Variants in HSPBAP1 observed in about 807,000 individuals in gnomAD.
HSPBAP1 encodes HSPB1-associated protein 1.
A neutral mutation model predicts 45.2 loss-of-function variants in HSPBAP1; 27 were observed. The observed-to-expected ratio is 0.60, with a 90% CI of 0.44 to 0.82. The LOEUF is 0.82. HSPBAP1 is among the 40% of genes least tolerant of loss of function. HSPBAP1 has a pLI of 0.00. For synonymous variants in HSPBAP1, 204 were observed against 202.7 expected (o/e 1.01, Z -0.06); for missense variants, 510 against 590.9 (o/e 0.86, Z 1.42).
chr3:122,748,221 A>C (rs902190499), intron 6 of HSPBAP1, among the ~76,000 whole-genome samples: 1 of 152,164 alleles, frequency 6.6e-6, no homozygotes, highest in African/African-American at 2.4e-5. Context: ...CCTAATCTCA[A>C]GTACCCAGGG....
intron 1 of HSPBAP1, among the ~76,000 whole-genome samples, chr3:122,781,044 G>A (rs1195498638): frequency 3.3e-5 from 5 of 150,886 alleles, no homozygotes; most frequent in South Asian, 4.2e-4. Context: ...GATGGCGGCC[G>A]GGCAGAGAAG....
At chr3:122,778,323 T>TA (rs1560155911) in intron 1 of HSPBAP1, among the ~76,000 whole-genome samples, 4 of 151,352 alleles carry the variant, frequency 2.6e-5, no homozygotes, top group Non-Finnish European at 1.5e-5. Context: ...TATAAGTTAA[T>TA]ACACACACAT....
intron 4 of HSPBAP1, chr3:122,758,768 A>T (rs1313244818): frequency 6.6e-6 from 3 of 454,994 alleles, no homozygotes; most frequent in African/African-American, 6.0e-5. Context: ...ATACTGGCAC[A>T]CACCTGTAGT....
intron 6 of HSPBAP1, chr3:122,741,815 T>G (rs1055258916): frequency 6.6e-6 from 1 of 152,164 alleles, no homozygotes; most frequent in African/African-American, 2.4e-5. Flanking sequence ...GAAGATATGT[T>G]TAGCCTCCAG....
intron 1 of HSPBAP1, among the ~76,000 whole-genome samples, chr3:122,780,566 A>C (rs1935407907): frequency 1.7e-5 from 2 of 115,486 alleles, no homozygotes; most frequent in African/African-American, 4.1e-5. Flanking sequence ...CTGAACCCCC[A>C]ACTCACTCCC....
In HSPBAP1 at chr3:122,740,880, G is replaced by C. The variant is rs367947718; in HGVS notation, c.937-5C>G. The C allele has an allele frequency of 2.8e-5, 45 of 1,612,434 alleles. No individual in the cohort carries two copies. The highest frequency in any genetic ancestry group is 3.5e-5 in the Non-Finnish European group (41 of 1,179,232). On this transcript the variant is annotated splice_region_variant and splice_polypyrimidine_tract_variant and intron_variant, in intron 7 of 7. Transcript: ENST00000306103. ...TGCATGGGACGTTTCCTCAACCTAA[G>C]GGAAGAGAAAAACCTTTTAAAATGG...
Position 122,793,775 on chromosome 3 carries a change from C to T in HSPBAP1, c.-95G>A, listed in dbSNP as rs1935916596. On this transcript the variant is annotated 5_prime_UTR_variant, in exon 1 of 8. Coordinates refer to ENST00000306103, the MANE Select transcript of HSPBAP1 (RefSeq NM_024610.6). ...CAAACTCCGAGACCCGAAGCTGCAC[C>T]ACAGGAAGGAGCCCCGGCGACTCCC... The T allele has an allele frequency of 2.5e-6, 3 of 1,195,946 alleles. No homozygotes were observed. Among genetic ancestry groups the T allele is most frequent in the Admixed American group, 2.0e-5 (1 of 49,986 alleles). 74.1% of individuals were successfully genotyped at this position (1,195,946 alleles called of 1,614,324 possible).
chr3:122,781,473 C>T (rs887692076), intron 1 of HSPBAP1, among the ~76,000 whole-genome samples: 3 of 151,766 alleles, frequency 2.0e-5, no homozygotes, highest in Non-Finnish European at 4.4e-5. Context: ...GAGAATCAGG[C>T]AGGGAGGTTG....
intron 6 of HSPBAP1, among the ~76,000 whole-genome samples, chr3:122,749,509 A>C (rs1934048874): frequency 6.6e-6 from 1 of 152,200 alleles, no homozygotes; most frequent in African/African-American, 2.4e-5. Flanking sequence ...TGATAGATAC[A>C]GTCTAATAAT....
intron 6 of HSPBAP1, among the ~76,000 whole-genome samples, chr3:122,745,481 T>C (rs1933814890): frequency 6.6e-6 from 1 of 152,116 alleles, no homozygotes; most frequent in Non-Finnish European, 1.5e-5. Context: ...AGTCAGAAAA[T>C]ATTAAGTGAA....
chr3:122,759,209 A>ACACG lies in HSPBAP1; in HGVS notation c.569+14_569+15insCGTG. On this transcript the variant is annotated intron_variant, in intron 4 of 7. Transcript: ENST00000306103. ...TCCACACACACACACACACACACAC[A>ACACG]CACACACACATTACCTTCCTTGTAC... 1 of 1,607,530 alleles carries ACACG rather than the reference A, an allele frequency of 6.2e-7. No homozygotes were observed.
chr3:122,775,738 T>C (rs1935172468), intron 2 of HSPBAP1, among the ~76,000 whole-genome samples: 2 of 152,186 alleles, frequency 1.3e-5, no homozygotes, highest in African/African-American at 4.8e-5. Context: ...CTCAAAATGT[T>C]AAACACAGAA....
intron 3 of HSPBAP1, among the ~76,000 whole-genome samples, chr3:122,765,243 C>T (rs1045700987): frequency 7.9e-5 from 12 of 152,088 alleles, no homozygotes; most frequent in Non-Finnish European, 1.8e-4. Context: ...ATTTATCCTT[C>T]GTAAGTTTTG....
rs1194365688 is a variant in HSPBAP1, at chr3:122,768,723, TCAAATAGACTGA to T, written c.398_409del (p.Val133_Phe136del). 5.0e-6 allele frequency: 8 copies of T among 1,611,942 alleles called. No individual in the cohort carries two copies. ...TACCTGGAAAAGATCTGTCTTGTCTTCAAATAGACTGACAAAATATTTATAGTCAGCATAAGC... is the reference window on the plus strand; with the variant it reads ...TACCTGGAAAAGATCTGTCTTGTCTTCAAAATATTTATAGTCAGCATAAGC... On this transcript the variant is annotated inframe_deletion, in exon 3 of 8. Transcript: ENST00000306103.
chr3:122,754,539 T>A, intron 5 of HSPBAP1: 3 of 985,110 alleles, frequency 3.0e-6, no homozygotes, highest in Non-Finnish European at 3.6e-6. Context: ...ATTGTTTGAG[T>A]TGATAGTACT....
chr3:122,785,418 C>T (rs1475561898), intron 1 of HSPBAP1, among the ~76,000 whole-genome samples: 6 of 152,188 alleles, frequency 3.9e-5, no homozygotes, highest in Non-Finnish European at 8.8e-5. Context: ...GATATCTGAT[C>T]AGGTTCTTCA....
chr3:122,793,637 G>A lies in HSPBAP1; in HGVS notation c.44C>T (p.Ala15Val). The A allele has an allele frequency of 6.2e-7, 1 of 1,613,984 alleles. No individual in the cohort carries two copies. The change falls in exon 1 of 8, where the codon GCT (alanine) becomes GTT (valine). Residue 15 changes from alanine (A) to valine (V), a missense_variant. Transcript: ENST00000306103. Reference protein sequence around the residue: ...SEATTPVIVAAGAGGEEGEHV... With the variant: ...SEATTPVIVAVGAGGEEGEHV... ...CCTACCTTCCTCCCCTCCAGCCCCA[G>A]CCGCAACGATCACAGGAGTGGTCGC...
At chr3:122,774,269 G>C (rs1560149843) in intron 2 of HSPBAP1, among the ~76,000 whole-genome samples, 1 of 152,168 alleles carries the variant, frequency 6.6e-6, no homozygotes, top group Non-Finnish European at 1.5e-5. Flanking sequence ...CACCTGATTT[G>C]GGGTATGGGG....
chr3:122,774,090 T>A (rs1358873498), intron 2 of HSPBAP1, among the ~76,000 whole-genome samples: 1 of 152,212 alleles, frequency 6.6e-6, no homozygotes, highest in East Asian at 1.9e-4. Context: ...CTTCACAAAT[T>A]CAATGTCCAT....
Sources: gnomAD v4.1 joint callset for allele counts (sites outside exome capture counted in the v4.1 genomes callset) on GRCh38, gnomAD v4.1.1 for gene constraint, MANE v1.5 for transcripts, NCBI Gene and HGNC (gene_info 2026-07-23, HGNC 2026-07-21) for gene names.